FOXP1: variants seen among roughly 807,000 people sequenced by gnomAD.
FOXP1 encodes the protein forkhead box protein P1.
A neutral mutation model predicts 98.2 loss-of-function variants in FOXP1; 15 were observed. The observed-to-expected ratio is 0.15, with a 90% CI of 0.10 to 0.24. FOXP1 has a LOEUF of 0.24. Among genes scored for constraint, FOXP1 ranks in the 10% least tolerant of loss-of-function variants. FOXP1 has a pLI of 1.00. For missense variants in FOXP1, 633 were observed against 848.5 expected, an observed-to-expected ratio of 0.75 and a Z score of 3.15; for synonymous variants, 371 against 314.5, an observed-to-expected ratio of 1.18 and a Z score of -1.90.
At chr3:71,029,013 C>T (rs1166644640) in intron 11 of FOXP1, among the ~76,000 whole-genome samples, 4 of 152,204 alleles carry the variant, frequency 2.6e-5, no homozygotes, top group Non-Finnish European at 5.9e-5. Flanking sequence ...TGGAACTTCA[C>T]TCACTCACGT....
chr3:71,159,712 T>G (rs1317710651), intron 6 of FOXP1, among the ~76,000 whole-genome samples: 1 of 152,202 alleles, frequency 6.6e-6, no homozygotes. Context: ...AAGGCTTTAC[T>G]AATATTCCAT....
intron 5 of FOXP1, among the ~76,000 whole-genome samples, chr3:71,289,019 CTTAT>C (rs55803418): frequency 0.22 from 32,893 of 148,666 alleles, 4,332 homozygotes; most frequent in East Asian, 0.52. Flanking sequence ...CAACTCTCTT[CTTAT>C]TTATTTATTT....
chr3:71,299,628 TGAACCTGTA>T (rs2073673867), intron 5 of FOXP1, among the ~76,000 whole-genome samples, 183 bp downstream of exon 5: 1 of 152,246 alleles, frequency 6.6e-6, no homozygotes, highest in Non-Finnish European at 1.5e-5. Flanking sequence ...GGGGGAAATG[TGAACCTGTA>T]GACCATTTCT....
At chr3:71,414,340 C>G (rs1333942028) in intron 3 of FOXP1, among the ~76,000 whole-genome samples, 5 of 152,160 alleles carry the variant, frequency 3.3e-5, no homozygotes, top group African/African-American at 7.2e-5. Flanking sequence ...GCTCGGGGCC[C>G]TGCACATTGG....
chr3:71,151,477 T>G (rs1004820520), intron 6 of FOXP1, among the ~76,000 whole-genome samples: 2 of 152,136 alleles, frequency 1.3e-5, no homozygotes, highest in African/African-American at 4.8e-5. Context: ...GACCACTAAA[T>G]GTGTCCCTTC....
At chr3:71,522,959 G>A (rs1357300938) in intron 2 of FOXP1, among the ~76,000 whole-genome samples, 2 of 152,154 alleles carry the variant, frequency 1.3e-5, no homozygotes, top group Non-Finnish European at 2.9e-5. Context: ...TATATGAACT[G>A]AGCGAAAAGA....
chr3:70,968,924 G>A (rs565299773), intron 19 of FOXP1: 2 of 152,270 alleles, frequency 1.3e-5, no homozygotes, highest in South Asian at 2.1e-4. Flanking sequence ...CTCAAATCAT[G>A]AATTTGTATC....
chr3:71,122,965 G>A (rs992543040), intron 6 of FOXP1, among the ~76,000 whole-genome samples: 1 of 152,016 alleles, frequency 6.6e-6, no homozygotes, highest in Non-Finnish European at 1.5e-5. Flanking sequence ...ATGAAAGGAA[G>A]GGTCTTTTCT....
At chr3:71,086,880 G>A (rs1315652303) in intron 7 of FOXP1, among the ~76,000 whole-genome samples, 2 of 152,184 alleles carry the variant, frequency 1.3e-5, no homozygotes, top group African/African-American at 2.4e-5. Context: ...CTGGGGCATA[G>A]AATCTATCTA....
Position 70,987,987 on chromosome 3 carries a change from T to C in FOXP1, c.1146+7A>G, listed in dbSNP as rs1051517523. The stretch of plus-strand genomic sequence containing the variant: ...TTTTTTTCCCCTTGGTGGGGATCAA[T>C]ACTTACGGGCTGAGGGGCGGCTTTG... On this transcript the variant is annotated splice_region_variant and intron_variant, in intron 14 of 20. Coordinates refer to ENST00000649528, the MANE Select transcript of FOXP1 (RefSeq NM_001349338.3). 1.2e-5 allele frequency: 19 copies of C among 1,613,646 alleles called. No homozygotes were observed. The highest frequency in any genetic ancestry group is 2.2e-5 in the East Asian group (1 of 44,890).
chr3:71,015,027 G>A (rs1424309295), intron 12 of FOXP1, among the ~76,000 whole-genome samples: 3 of 151,844 alleles, frequency 2.0e-5, no homozygotes, highest in Admixed American at 6.6e-5. Context: ...AGCATTAGGA[G>A]ATACACTTAA....
At chr3:71,471,625 C>T (rs558313978) in intron 3 of FOXP1, among the ~76,000 whole-genome samples, 5 of 151,464 alleles carry the variant, frequency 3.3e-5, no homozygotes, top group Non-Finnish European at 7.4e-5. Flanking sequence ...GCTAAGTTTA[C>T]GTTTATAGCG....
At chr3:71,578,448 C>T (rs2047897378) in intron 2 of FOXP1, among the ~76,000 whole-genome samples, 1 of 152,160 alleles carries the variant, frequency 6.6e-6, no homozygotes, top group Non-Finnish European at 1.5e-5. Flanking sequence ...TCTTGGCATT[C>T]CCACTGAAAT....
At chr3:71,338,521 A>G (rs746131259) in intron 4 of FOXP1, among the ~76,000 whole-genome samples, 8 of 152,154 alleles carry the variant, frequency 5.3e-5, no homozygotes, top group Non-Finnish European at 1.0e-4. Context: ...TCCATCTCCC[A>G]GGTCCATGCC....
At chr3:70,982,878 A>G (rs1157340037) in intron 14 of FOXP1, among the ~76,000 whole-genome samples, 1 of 152,246 alleles carries the variant, frequency 6.6e-6, no homozygotes, top group Non-Finnish European at 1.5e-5. Context: ...GCCTCACATG[A>G]AAACAGATTC....
intron 4 of FOXP1, among the ~76,000 whole-genome samples, chr3:71,317,400 C>T (rs1271738766): frequency 2.6e-5 from 4 of 152,004 alleles, no homozygotes; most frequent in Admixed American, 6.5e-5. Flanking sequence ...TGGGAATTCG[C>T]ACAGGCGGGC....
chr3:70,988,101 T>A (rs771101064), intron 13 of FOXP1, 24 bp from the exon 14 acceptor site: 2 of 1,608,340 alleles, frequency 1.2e-6, no homozygotes, highest in Admixed American at 3.3e-5. Flanking sequence ...AATGCTTTGT[T>A]ATTTCTCTGA....
At chr3:71,397,089 TATATATATATAC>T (rs1182701301) in intron 3 of FOXP1, among the ~76,000 whole-genome samples, 33 of 2,550 alleles carry the variant, frequency 0.013, 2 homozygotes, top group African/African-American at 0.025. Flanking sequence ...TATATGTGTA[TATATATATATAC>T]ATATATATAT....
intron 7 of FOXP1, among the ~76,000 whole-genome samples, chr3:71,085,843 C>T (rs749816600): frequency 2.2e-4 from 33 of 149,814 alleles, no homozygotes; most frequent in Non-Finnish European, 3.7e-4. Context: ...GATTCTCCTG[C>T]CTCAGCCTCC....
Sources: gnomAD v4.1 joint callset for allele counts (sites outside exome capture counted in the v4.1 genomes callset) on GRCh38, gnomAD v4.1.1 for gene constraint, MANE v1.5 for transcripts, NCBI Gene and HGNC (gene_info 2026-07-23, HGNC 2026-07-21) for gene names.